SPATS2: variants seen among roughly 807,000 people sequenced by gnomAD.
SPATS2 encodes spermatogenesis associated serine rich 2, also known as spermatogenesis-associated serine-rich protein 2.
Under a neutral mutation model 63.7 loss-of-function variants are expected in SPATS2, and 38 were observed. The observed-to-expected ratio is 0.60, with a 90% CI of 0.46 to 0.78. The LOEUF (loss-of-function observed/expected upper bound fraction) is 0.78, where lower values mean the gene tolerates loss of function less well. Among genes scored for constraint, SPATS2 ranks in the 30% least tolerant of loss-of-function variants. The pLI is 0.00. For synonymous variants in SPATS2, 207 were observed against 232.9 expected (o/e 0.89, Z 1.01); for missense variants, 588 against 666.2 (o/e 0.88, Z 1.29).
At chr12:49,411,230 A>C (rs1944791679) in intron 2 of SPATS2, among the ~76,000 whole-genome samples, 1 of 152,126 alleles carries the variant, frequency 6.6e-6, no homozygotes, top group Non-Finnish European at 1.5e-5. Context: ...TGTTGTTAGC[A>C]TACTCAGTCC....
At chr12:49,462,337 G>A (rs1945835746) in intron 3 of SPATS2, 1 of 702,294 alleles carries the variant, frequency 1.4e-6, no homozygotes, top group African/African-American at 1.7e-5. Flanking sequence ...CCGGCTGGCT[G>A]CTTCAGTACC....
intron 3 of SPATS2, among the ~76,000 whole-genome samples, chr12:49,484,045 C>A (rs547488236): frequency 8.5e-5 from 13 of 152,258 alleles, no homozygotes; most frequent in African/African-American, 2.9e-4. Context: ...TTTTTGTAAT[C>A]AATCATATTG....
intron 3 of SPATS2, among the ~76,000 whole-genome samples, chr12:49,477,201 A>G (rs927820259): frequency 6.6e-6 from 1 of 152,100 alleles, no homozygotes; most frequent in Non-Finnish European, 1.5e-5. Flanking sequence ...GTAAGGTAGG[A>G]TTTAATTGTT....
chr12:49,377,265 G>A (rs1027159535), intron 2 of SPATS2, among the ~76,000 whole-genome samples: 1 of 152,118 alleles, frequency 6.6e-6, no homozygotes, highest in Admixed American at 6.6e-5. Flanking sequence ...ATAATGTTAT[G>A]ATGATCCTAT....
Position 49,526,312 on chromosome 12 carries a change from C to T in SPATS2, c.*57C>T. The T allele has an allele frequency of 1.3e-6, 2 of 1,511,108 alleles. No homozygotes were observed. Among genetic ancestry groups the T allele is most frequent in the Non-Finnish European group, 1.8e-6 (2 of 1,129,580 alleles). 93.6% of individuals were successfully genotyped at this position (1,511,108 alleles called of 1,614,324 possible). A position where few individuals can be genotyped will look rare whatever the true frequency, so the allele number is the denominator to read the frequency against. ...CACACAATTCAACTTGATAACTGGA[C>T]TTTAGGAAACTTACAGTTAGATGTA... is the stretch of plus-strand genomic sequence containing the variant. On this transcript the variant is annotated 3_prime_UTR_variant, in exon 14 of 14. Coordinates refer to ENST00000552918, the MANE Select transcript of SPATS2 (RefSeq NM_023071.4).
intron 2 of SPATS2, among the ~76,000 whole-genome samples, chr12:49,452,031 C>A (rs1945631540): frequency 6.6e-6 from 1 of 152,118 alleles, no homozygotes; most frequent in Non-Finnish European, 1.5e-5. Flanking sequence ...TTGCTGCTTT[C>A]AAGATCTTCT....
intron 2 of SPATS2, among the ~76,000 whole-genome samples, chr12:49,452,075 T>A (rs548761641): frequency 1.4e-4 from 21 of 152,340 alleles, no homozygotes; most frequent in African/African-American, 4.3e-4. Context: ...CTATGATATG[T>A]CTAGATGTGG....
rs977751408 is a variant in SPATS2, at chr12:49,522,412, A to G, written c.1009-339A>G. Among the ~76,000 whole-genome samples the G allele has an allele frequency of 3.9e-5, 6 of 152,236 alleles. No individual in the cohort carries two copies. The East Asian group carries it at 9.6e-4, about 24-fold the overall frequency. On this transcript the variant is annotated intron_variant, in intron 11 of 13. Transcript: ENST00000552918. ...AAAGATTTTTGCTGCCTCTGTTTCT[A>G]TATAAAATGGAAAGACATGGAGAAT...
intron 2 of SPATS2, among the ~76,000 whole-genome samples, chr12:49,426,555 C>CT (rs1271931713): frequency 1.3e-5 from 2 of 151,868 alleles, no homozygotes; most frequent in African/African-American, 4.8e-5. Context: ...GTATCATATT[C>CT]TTTTTTTTGA....
At chr12:49,367,322 A>C (rs1943914917), upstream of SPATS2, 2 of 377,038 alleles carry the variant, frequency 5.3e-6, no homozygotes, top group Non-Finnish European at 9.4e-6. Flanking sequence ...GGGCGGGGCG[A>C]GCCGCTGCCT....
rs376682986 is a variant in SPATS2, at chr12:49,398,327, C to T, written c.-244+27037C>T. The stretch of plus-strand genomic sequence containing the variant: ...GGGGGTTTTAAACAGGAGAATGACA[C>T]GAACAGGCTTATGTTCAATGTAGAA... On this transcript the variant is annotated intron_variant, in intron 2 of 13. Transcript: ENST00000552918. 1.9e-3 allele frequency among the ~76,000 whole-genome samples: 296 copies of T among 151,994 alleles called. 1 individual carries two copies. Among genetic ancestry groups the T allele is most frequent in the African/African-American group, 6.7e-3 (278 of 41,442 alleles).
Position 49,484,632 on chromosome 12 carries a change from T to C in SPATS2, c.68T>C (p.Leu23Pro). ...FIFDLQSNTV[L>P]AQGGAFENMK... ...TTTGATTTGCAGTCCAATACCGTAC[T>C]GGCCCAGGGAGGAGCTTTTGAGAAC... The change falls in exon 4 of 14, where the codon CTG (leucine) becomes CCG (proline). Residue 23 changes from leucine (L) to proline (P), a missense_variant. Transcript: ENST00000552918. The C allele has an allele frequency of 6.2e-7, 1 of 1,614,096 alleles. No individual in the cohort carries two copies. The highest frequency in any genetic ancestry group is 8.5e-7 in the Non-Finnish European group (1 of 1,179,972).
chr12:49,413,936 A>T (rs1237043167), intron 2 of SPATS2, among the ~76,000 whole-genome samples: 1 of 152,208 alleles, frequency 6.6e-6, no homozygotes, highest in South Asian at 2.1e-4. Context: ...CCAAGCAGGC[A>T]TGTATTACCA....
intron 2 of SPATS2, among the ~76,000 whole-genome samples, chr12:49,423,148 T>G (rs1444549455): frequency 2.0e-5 from 3 of 152,078 alleles, no homozygotes; most frequent in Non-Finnish European, 2.9e-5. Context: ...TTTTGTTTTT[T>G]TTTTTTGAGA....
At chr12:49,463,763 G>C (rs539248644) in intron 3 of SPATS2, 20 of 152,246 alleles carry the variant, frequency 1.3e-4, no homozygotes, top group African/African-American at 4.8e-4. Flanking sequence ...TCATTTACAG[G>C]CTCTCATTTT....
At chr12:49,432,890 C>T (rs960095236) in intron 2 of SPATS2, among the ~76,000 whole-genome samples, 1 of 152,178 alleles carries the variant, frequency 6.6e-6, no homozygotes, top group Non-Finnish European at 1.5e-5. Context: ...ACACAAATAT[C>T]TCTTTGATAT....
chr12:49,474,516 G>T (rs1221955106), intron 3 of SPATS2, among the ~76,000 whole-genome samples: 2 of 152,186 alleles, frequency 1.3e-5, no homozygotes, highest in Non-Finnish European at 2.9e-5. Flanking sequence ...CTCTTTTACA[G>T]TTCTAAAAGG....
chr12:49,431,052 A>G (rs563128518), intron 2 of SPATS2, among the ~76,000 whole-genome samples: 3 of 152,266 alleles, frequency 2.0e-5, no homozygotes, highest in East Asian at 1.9e-4. Flanking sequence ...TATTATTCCA[A>G]TGTCAAAATA....
intron 3 of SPATS2, among the ~76,000 whole-genome samples, chr12:49,481,353 T>A (rs898001663): frequency 2.7e-5 from 4 of 150,730 alleles, no homozygotes; most frequent in Non-Finnish European, 5.9e-5. Context: ...AGAGCGAGAC[T>A]CCGTCTCCAG....
Sources: allele counts gnomAD v4.1 joint callset (sites outside exome capture counted in the v4.1 genomes callset), GRCh38; gene constraint gnomAD v4.1.1; transcripts MANE v1.5; gene names NCBI Gene and HGNC (gene_info 2026-07-23, HGNC 2026-07-21).